SGCZ: variants seen among roughly 807,000 people sequenced by gnomAD.
The protein encoded by SGCZ is zeta-sarcoglycan.
A neutral mutation model predicts 41.3 loss-of-function variants in SGCZ; 40 were observed. The ratio of observed to expected loss-of-function variants is 0.97; its 90% CI spans 0.75 to 1.26. SGCZ has a LOEUF of 1.26. Ranked by LOEUF, SGCZ falls within the 50% of genes most tolerant of loss-of-function variation. SGCZ has a pLI of 0.00. For missense variants in SGCZ, 552 were observed against 369.8 expected, an observed-to-expected ratio of 1.49 and a Z score of -4.04; for synonymous variants, 206 against 137.5, an observed-to-expected ratio of 1.50 and a Z score of -3.49.
intron 2 of SGCZ, among the ~76,000 whole-genome samples, chr8:14,517,525 A>T (rs1232003212): frequency 6.6e-6 from 1 of 152,084 alleles, no homozygotes; most frequent in Non-Finnish European, 1.5e-5. Context: ...ACTTTGTATT[A>T]TTAAATCTAT....
intron 1 of SGCZ, among the ~76,000 whole-genome samples, chr8:14,696,879 A>G (rs1406447695): frequency 6.6e-6 from 1 of 152,042 alleles, no homozygotes; most frequent in Non-Finnish European, 1.5e-5. Context: ...TATACTTTTA[A>G]AGTCCAGAAG....
At chr8:14,764,002 A>C (rs1015527028) in intron 1 of SGCZ, among the ~76,000 whole-genome samples, 1 of 152,176 alleles carries the variant, frequency 6.6e-6, no homozygotes. Flanking sequence ...TCTAAATGCT[A>C]TTCCCTATCA....
At chr8:14,483,939 T>A (rs927061249) in intron 2 of SGCZ, among the ~76,000 whole-genome samples, 4 of 152,180 alleles carry the variant, frequency 2.6e-5, no homozygotes, top group African/African-American at 4.8e-5. Context: ...GCTGACTACA[T>A]GGATTAAAGA....
chr8:14,264,950 G>C (rs545744167), intron 3 of SGCZ, among the ~76,000 whole-genome samples: 1 of 152,084 alleles, frequency 6.6e-6, no homozygotes, highest in Non-Finnish European at 1.5e-5. Context: ...GTGACAGAGC[G>C]AGACTCTGTC....
Position 14,562,540 on chromosome 8 carries a change from A to C in SGCZ, c.40-7614T>G, listed in dbSNP as rs193078811. Reference sequence around the variant, plus strand: ...TAATATAATCGGGGACTACTTTTAAAATGGTAGAAAGAGAATATCTTTCAG... The same window carrying C: ...TAATATAATCGGGGACTACTTTTAACATGGTAGAAAGAGAATATCTTTCAG... On this transcript the variant is annotated intron_variant, in intron 1 of 7. Coordinates refer to ENST00000382080, the MANE Select transcript of SGCZ (RefSeq NM_139167.4). Among the ~76,000 whole-genome samples, 797 of 152,314 alleles carry C rather than the reference A, an allele frequency of 5.2e-3. 5 individuals are homozygous for C. The highest frequency in any genetic ancestry group is 0.017 in the African/African-American group (727 of 41,562).
intron 1 of SGCZ, among the ~76,000 whole-genome samples, chr8:14,914,079 T>G (rs1400846411): frequency 2.6e-5 from 4 of 152,050 alleles, no homozygotes; most frequent in African/African-American, 4.8e-5. Flanking sequence ...ATTACATCCT[T>G]TTTTAAAAGG....
intron 1 of SGCZ, among the ~76,000 whole-genome samples, chr8:14,963,117 C>T (rs1801015532): frequency 6.6e-6 from 1 of 152,106 alleles, no homozygotes; most frequent in African/African-American, 2.4e-5. Flanking sequence ...AGCCCAGAAA[C>T]TTGGGTCACA....
rs550275743 is a variant in SGCZ, at chr8:14,606,458, G to C, written c.40-51532C>G. ...TGCAATTCTCACTATGTATTAAGTTGTTGTTGAGAACTTCTCAGCATTCTG... is the reference window on the plus strand; with the variant it reads ...TGCAATTCTCACTATGTATTAAGTTCTTGTTGAGAACTTCTCAGCATTCTG... On this transcript the variant is annotated intron_variant, in intron 1 of 7. Transcript: ENST00000382080. Among the ~76,000 whole-genome samples, 14 of 152,230 alleles carry C rather than the reference G, an allele frequency of 9.2e-5. No homozygotes were observed. In the East Asian group the frequency reaches 2.7e-3, roughly 29 times the overall value.
At chr8:14,940,983 G>A (rs555488316) in intron 1 of SGCZ, among the ~76,000 whole-genome samples, 2 of 151,740 alleles carry the variant, frequency 1.3e-5, no homozygotes, top group South Asian at 2.1e-4. Context: ...GCAAAAAAAA[G>A]CAAATCTCTA....
intron 4 of SGCZ, among the ~76,000 whole-genome samples, chr8:14,202,980 T>G (rs1221349571): frequency 1.3e-5 from 2 of 152,078 alleles, no homozygotes; most frequent in Non-Finnish European, 2.9e-5. Context: ...TGATAGTAAA[T>G]GAATCTCAGA....
chr8:14,592,380 T>C lies in SGCZ; in HGVS notation c.40-37454A>G, dbSNP rs545450086. Among the ~76,000 whole-genome samples, 5 of 152,296 alleles carry C rather than the reference T, an allele frequency of 3.3e-5. No homozygotes were observed. In the East Asian group the frequency reaches 7.7e-4, roughly 24 times the overall value. On this transcript the variant is annotated intron_variant, in intron 1 of 7. Coordinates refer to ENST00000382080, the MANE Select transcript of SGCZ (RefSeq NM_139167.4). ...TACATCTTATTGTCATATAGTCCAA[T>C]GTATTTTCTACTGTCATTGCTTTAA...
At chr8:14,426,311 G>A (rs1328038295) in intron 2 of SGCZ, among the ~76,000 whole-genome samples, 5 of 152,128 alleles carry the variant, frequency 3.3e-5, no homozygotes, top group Non-Finnish European at 7.4e-5. Context: ...ATAATTGCCA[G>A]AGTGAAGGAA....
chr8:14,265,214 C>T (rs975824707), intron 3 of SGCZ, among the ~76,000 whole-genome samples: 52 of 152,064 alleles, frequency 3.4e-4, no homozygotes, highest in African/African-American at 1.0e-3. Context: ...CTGAGAATAC[C>T]AGTCATTGGC....
At chr8:14,379,703 C>G (rs1804287377) in intron 2 of SGCZ, among the ~76,000 whole-genome samples, 1 of 151,922 alleles carries the variant, frequency 6.6e-6, no homozygotes, top group African/African-American at 2.4e-5. Context: ...ATGGGAGCTC[C>G]TACCCTACAA....
chr8:14,425,078 G>A (rs923205171), intron 2 of SGCZ, among the ~76,000 whole-genome samples: 5 of 151,818 alleles, frequency 3.3e-5, no homozygotes, highest in African/African-American at 9.7e-5. Flanking sequence ...TTTAAATTTC[G>A]TTATTTTTTT....
chr8:14,599,305 T>C (rs974095960), intron 1 of SGCZ, among the ~76,000 whole-genome samples: 3 of 152,200 alleles, frequency 2.0e-5, no homozygotes, highest in African/African-American at 7.2e-5. Flanking sequence ...GTACCTTGTA[T>C]ACATTTTAAA....
At chr8:14,112,268 G>T (rs904997108) in intron 5 of SGCZ, among the ~76,000 whole-genome samples, 1 of 116,218 alleles carries the variant, frequency 8.6e-6, no homozygotes, top group African/African-American at 3.6e-5. Flanking sequence ...TGAATTTTTT[G>T]AGTTTTTTTT....
At chr8:14,201,327 T>A (rs1805448326) in intron 4 of SGCZ, among the ~76,000 whole-genome samples, 3 of 152,148 alleles carry the variant, frequency 2.0e-5, no homozygotes, top group Admixed American at 2.0e-4. Context: ...ATGCATAAGC[T>A]TCTAGTGGCT....
intron 1 of SGCZ, among the ~76,000 whole-genome samples, chr8:14,587,851 T>C (rs185304474): frequency 6.6e-6 from 1 of 152,270 alleles, no homozygotes; most frequent in African/African-American, 2.4e-5. Flanking sequence ...TTTTGCTATT[T>C]GGGTTTACCA....
Sources: gnomAD v4.1 joint callset for allele counts (sites outside exome capture counted in the v4.1 genomes callset) on GRCh38, gnomAD v4.1.1 for gene constraint, MANE v1.5 for transcripts, NCBI Gene and HGNC (gene_info 2026-07-23, HGNC 2026-07-21) for gene names.